CSNK1A1L: variants seen among roughly 807,000 people sequenced by gnomAD.
CSNK1A1L encodes the protein casein kinase I isoform alpha-like.
CSNK1A1L carries 20 observed loss-of-function variants against 24.6 expected under a neutral mutation model. The ratio of observed to expected loss-of-function variants is 0.81; its 90% CI spans 0.57 to 1.18. CSNK1A1L has a LOEUF of 1.18. Among genes scored for constraint, CSNK1A1L ranks in the 50% most tolerant of loss-of-function variants. The pLI is 0.00. For missense variants in CSNK1A1L, 414 were observed against 419.0 expected (o/e 0.99, Z 0.10); for synonymous variants, 152 against 154.0 (o/e 0.99, Z 0.09).
Position 37,103,344 on chromosome 13 carries a change from T to G in CSNK1A1L, c.*899A>C, listed in dbSNP as rs2070758347. On this transcript the variant is annotated 3_prime_UTR_variant, in exon 1 of 1. Coordinates refer to ENST00000379800, the MANE Select transcript of CSNK1A1L (RefSeq NM_145203.6). ...ATCAAAAAATTGGGGAGATTTTTAT[T>G]TCCTAGTGAATCAGCAAGGCATTTT... The G allele has an allele frequency of 6.6e-6, 1 of 152,264 alleles. No individual in the cohort carries two copies. Among genetic ancestry groups the G allele is most frequent in the South Asian group, 2.1e-4 (1 of 4,830 alleles). 9.4% of individuals were successfully genotyped at this position (152,264 alleles called of 1,614,324 possible).
Position 37,103,836 on chromosome 13 carries a change from A to C in CSNK1A1L, c.*407T>G. On this transcript the variant is annotated 3_prime_UTR_variant, in exon 1 of 1. Transcript: ENST00000379800. ...AAAATGCTCAATCATAAGCATTTAC[A>C]ACCTTTGCAGCTGTGGCTGAATACT... The C allele has an allele frequency of 4.2e-6, 1 of 240,372 alleles. No homozygotes were observed. Among genetic ancestry groups the C allele is most frequent in the Non-Finnish European group, 8.2e-6 (1 of 121,940 alleles). The allele number at this position is 240,372 out of a possible 1,614,324, so 14.9% of individuals were successfully genotyped here.
rs1268006496 is a variant in CSNK1A1L at position 37,104,646 on chromosome 13, A to G, written c.611T>C (p.Met204Thr). 1 of 1,613,972 alleles carries G rather than the reference A, an allele frequency of 6.2e-7. No homozygotes were observed. Among genetic ancestry groups the G allele is most frequent in the Non-Finnish European group, 8.5e-7 (1 of 1,179,980 alleles). Residue 204 changes from methionine to threonine, a missense_variant, in exon 1 of 1, where the codon ATG (methionine) becomes ACG (threonine). Physicochemically the swap from Met to Thr is moderately conservative, Grantham distance 81. Coordinates refer to ENST00000379800, the MANE Select transcript of CSNK1A1L (RefSeq NM_145203.6). ...LGIEQSRRDD[M>T]ESLGYVFMYF... Reference sequence around the variant, plus strand: ...CATGAAAACGTAGCCTAAGGATTCCATGTCATCTCGGCGGCTCTGCTCAAT... The same window carrying G: ...CATGAAAACGTAGCCTAAGGATTCCGTGTCATCTCGGCGGCTCTGCTCAAT...
Position 37,105,412 on chromosome 13 carries a change from A to G in CSNK1A1L, c.-156T>C. The stretch of plus-strand genomic sequence containing the variant: ...TGTTACAGGGCGTGGAGTCAGCCTG[A>G]TCCCTGCAGCACACCAGGATTTCCG... On this transcript the variant is annotated 5_prime_UTR_variant, in exon 1 of 1. Coordinates refer to ENST00000379800, the MANE Select transcript of CSNK1A1L (RefSeq NM_145203.6). The G allele has an allele frequency of 4.1e-6, 3 of 729,330 alleles. No individual in the cohort carries two copies. The highest frequency in any genetic ancestry group is 6.8e-6 in the Non-Finnish European group (3 of 438,542). 45.2% of individuals were successfully genotyped at this position (729,330 alleles called of 1,614,324 possible). A position where few individuals can be genotyped will look rare whatever the true frequency, so the allele number is the denominator to read the frequency against.
chr13:37,105,299 C>CT lies in CSNK1A1L; in HGVS notation c.-44dup. 1 of 1,577,700 alleles carries CT rather than the reference C, an allele frequency of 6.3e-7. No homozygotes were observed. ...GAGGCTGGGCTCAGCCCTGACCCCT[C>CT]TAGGGGAGGATGGAGGCCTCCGGGG... On this transcript the variant is annotated 5_prime_UTR_variant, in exon 1 of 1. Transcript: ENST00000379800.
rs781072113 is a variant in CSNK1A1L, at chr13:37,104,456, G to A, written c.801C>T (p.Arg267=). 5.6e-6 allele frequency: 9 copies of A among 1,614,062 alleles called. No individual in the cohort carries two copies. The highest frequency in any genetic ancestry group is 1.3e-5 in the African/African-American group (1 of 74,916). ...AMYLNYCRGL[R]FEEVPDYMYL... is the part of the protein sequence containing the mutation. ...ACATGTAATCTGGGACTTCCTCAAA[G>A]CGCAGCCCACGACAGTAGTTCAAGT... Residue 267 remains arginine, a synonymous_variant, in exon 1 of 1, where the codon CGC becomes CGT. Coordinates refer to ENST00000379800, the MANE Select transcript of CSNK1A1L (RefSeq NM_145203.6).
rs1339560989 is a variant in CSNK1A1L at position 37,104,629 on chromosome 13, C to G, written c.628G>C (p.Val210Leu). The G allele has an allele frequency of 6.2e-7, 1 of 1,614,122 alleles. No homozygotes were observed. The highest frequency in any genetic ancestry group is 2.2e-5 in the East Asian group (1 of 44,880). The stretch of plus-strand genomic sequence containing the variant: ...CTGGTTCTATTAAAATACATGAAAA[C>G]GTAGCCTAAGGATTCCATGTCATCT... Reference protein sequence around the residue: ...RRDDMESLGYVFMYFNRTSLP... With the variant: ...RRDDMESLGYLFMYFNRTSLP... The change falls in exon 1 of 1, where the codon GTT (valine) becomes CTT (leucine). Residue 210 changes from valine to leucine, a missense_variant. Physicochemically the swap from Val to Leu is conservative, Grantham distance 32. Transcript: ENST00000379800.
chr13:37,104,087 CAG>C lies in CSNK1A1L; in HGVS notation c.*154_*155del. 1.1e-6 allele frequency: 1 copy of C among 892,726 alleles called. No homozygotes were observed. The highest frequency in any genetic ancestry group is 1.7e-6 in the Non-Finnish European group (1 of 587,204). 55.3% of individuals were successfully genotyped at this position (892,726 alleles called of 1,614,324 possible). A position where few individuals can be genotyped will look rare whatever the true frequency, so the allele number is the denominator to read the frequency against. On this transcript the variant is annotated 3_prime_UTR_variant, in exon 1 of 1. Transcript: ENST00000379800. ...GGGATACAGCATCACCAACGCTCCC[CAG>C]AGTCAGTTTATATTGAAATAAAGTT... is the stretch of plus-strand genomic sequence containing the variant.
Position 37,104,663 on chromosome 13 carries a change from C to G in CSNK1A1L, c.594G>C (p.Gln198His). Residue 198 changes from glutamine (Q) to histidine (H), a missense_variant, in exon 1 of 1, where the codon CAG becomes CAC. Physicochemically the swap from Gln to His is conservative, Grantham distance 24. Coordinates refer to ENST00000379800, the MANE Select transcript of CSNK1A1L (RefSeq NM_145203.6). ...AGGATTCCATGTCATCTCGGCGGCT[C>G]TGCTCAATACCAAGATGTGCATTGA... Reference protein sequence around the residue: ...ASINAHLGIEQSRRDDMESLG... With the variant: ...ASINAHLGIEHSRRDDMESLG... 1 of 1,614,162 alleles carries G rather than the reference C, an allele frequency of 6.2e-7. No homozygotes were observed. Among genetic ancestry groups the G allele is most frequent in the African/African-American group, 1.3e-5 (1 of 75,026 alleles).
Position 37,104,275 on chromosome 13 carries a change from C to G in CSNK1A1L, c.982G>C (p.Glu328Gln), listed in dbSNP as rs767653119. ...TCTTTCACATTATTCTTGTTTTTTT[C>G]AGTTTGCTTGCCTGTCTGGGTTTGG... ...QAQTQTGKQT[E>Q]KNKNNVKDN Residue 328 changes from glutamate to glutamine, a missense_variant, in exon 1 of 1, where the codon GAA becomes CAA. Physicochemically the swap from Glu to Gln is conservative, Grantham distance 29. Transcript: ENST00000379800. The G allele has an allele frequency of 1.9e-6, 3 of 1,613,928 alleles. No individual in the cohort carries two copies. Among genetic ancestry groups the G allele is most frequent in the Non-Finnish European group, 2.5e-6 (3 of 1,179,966 alleles).
In CSNK1A1L at chr13:37,103,383, A is replaced by T. The variant is rs963040603; in HGVS notation, c.*860T>A. On this transcript the variant is annotated 3_prime_UTR_variant, in exon 1 of 1. Transcript: ENST00000379800. ...GCAAGGCATTTTTTGGTTGTTGTTT[A>T]AAAAAGTATTATTTCCTTATAGAAA... The T allele has an allele frequency of 6.6e-6, 1 of 152,230 alleles. No homozygotes were observed. Among genetic ancestry groups the T allele is most frequent in the African/African-American group, 2.4e-5 (1 of 41,430 alleles). 9.4% of individuals were successfully genotyped at this position (152,230 alleles called of 1,614,324 possible). A position where few individuals can be genotyped will look rare whatever the true frequency, so the allele number is the denominator to read the frequency against.
chr13:37,104,313 T>C lies in CSNK1A1L; in HGVS notation c.944A>G (p.Gln315Arg), dbSNP rs920132400. 1.2e-6 allele frequency: 2 copies of C among 1,614,248 alleles called. No individual in the cohort carries two copies. The highest frequency in any genetic ancestry group is 2.2e-5 in the East Asian group (1 of 44,892). ...TGTCTGGGTTTGGGCCTGCTGACCC[T>C]GCCCACTGGAAGAGGCTGCCTGCTG... ...AAQQAASSSG[Q>R]GQQAQTQTGK... The change falls in exon 1 of 1, where the codon CAG becomes CGG. Residue 315 changes from glutamine to arginine, a missense_variant. Physicochemically the swap from Gln to Arg is conservative, Grantham distance 43 (BLOSUM62 1). Coordinates refer to ENST00000379800, the MANE Select transcript of CSNK1A1L (RefSeq NM_145203.6).
rs762010655 is a variant in CSNK1A1L at position 37,104,383 on chromosome 13, A to G, written c.874T>C (p.Tyr292His). ...ATCGTCCAATCAAATGTGTAGTCAT[A>G]TTGGTGGTTCAGGGTCCTGAAAAGA... is the stretch of plus-strand genomic sequence containing the variant. ...RILFRTLNHQ[Y>H]DYTFDWTMLK... is the part of the protein sequence containing the mutation. Residue 292 changes from tyrosine to histidine, a missense_variant, in exon 1 of 1, where the codon TAT becomes CAT. Physicochemically the swap from Tyr to His is moderately conservative, Grantham distance 83. Coordinates refer to ENST00000379800, the MANE Select transcript of CSNK1A1L (RefSeq NM_145203.6). The G allele has an allele frequency of 2.5e-6, 4 of 1,614,038 alleles. No homozygotes were observed. In the East Asian group the frequency reaches 6.7e-5, roughly 27 times the overall value.
chr13:37,104,434 T>G lies in CSNK1A1L; in HGVS notation c.823A>C (p.Met275Leu). Residue 275 changes from methionine (M) to leucine (L), a missense_variant, in exon 1 of 1, where the codon ATG (methionine) becomes CTG (leucine). By Grantham distance (15) the Met-to-Leu change is conservative. Transcript: ENST00000379800. ...ATGCGGAATAGCTGCCTCAGATACA[T>G]GTAATCTGGGACTTCCTCAAAGCGC... is the stretch of plus-strand genomic sequence containing the variant. ...GLRFEEVPDY[M>L]YLRQLFRILF... The G allele has an allele frequency of 6.2e-7, 1 of 1,614,220 alleles. No homozygotes were observed. Among genetic ancestry groups the G allele is most frequent in the Non-Finnish European group, 8.5e-7 (1 of 1,180,044 alleles).
rs550387124 is a variant in CSNK1A1L, at chr13:37,103,602, G to C, written c.*641C>G. 2 of 153,354 alleles carry C rather than the reference G, an allele frequency of 1.3e-5. No individual in the cohort carries two copies. Among genetic ancestry groups the C allele is most frequent in the Admixed American group, 1.3e-4 (2 of 15,466 alleles). 9.5% of individuals were successfully genotyped at this position (153,354 alleles called of 1,614,324 possible). A position where few individuals can be genotyped will look rare whatever the true frequency, so the allele number is the denominator to read the frequency against. On this transcript the variant is annotated 3_prime_UTR_variant, in exon 1 of 1. Transcript: ENST00000379800. ...GTTGTTTTTAAAATACCGAGAACAT[G>C]ATATAGTTAATGTGGAATTCTAAAG...
chr13:37,104,112 G>A lies in CSNK1A1L; in HGVS notation c.*131C>T. The A allele has an allele frequency of 8.2e-7, 1 of 1,226,378 alleles. No individual in the cohort carries two copies. The highest frequency in any genetic ancestry group is 1.1e-6 in the Non-Finnish European group (1 of 871,496). The allele number at this position is 1,226,378 out of a possible 1,614,324, so 76.0% of individuals were successfully genotyped here. On this transcript the variant is annotated 3_prime_UTR_variant, in exon 1 of 1. Coordinates refer to ENST00000379800, the MANE Select transcript of CSNK1A1L (RefSeq NM_145203.6). Reference sequence around the variant, plus strand: ...CAGAGTCAGTTTATATTGAAATAAAGTTTTTTACACCAACTAAATGGTTGT... The same window carrying A: ...CAGAGTCAGTTTATATTGAAATAAAATTTTTTACACCAACTAAATGGTTGT...
chr13:37,104,634 C>G lies in CSNK1A1L; in HGVS notation c.623G>C (p.Gly208Ala), dbSNP rs1340039792. ...TCTATTAAAATACATGAAAACGTAG[C>G]CTAAGGATTCCATGTCATCTCGGCG... ...QSRRDDMESL[G>A]YVFMYFNRTS... The change falls in exon 1 of 1, where the codon GGC (glycine) becomes GCC (alanine). Residue 208 changes from glycine (G) to alanine (A), a missense_variant. Coordinates refer to ENST00000379800, the MANE Select transcript of CSNK1A1L (RefSeq NM_145203.6). 6 of 1,613,978 alleles carry G rather than the reference C, an allele frequency of 3.7e-6. No individual in the cohort carries two copies. Among genetic ancestry groups the G allele is most frequent in the Non-Finnish European group, 5.1e-6 (6 of 1,180,030 alleles).
rs769556012 is a variant in CSNK1A1L, at chr13:37,104,382, T to C, written c.875A>G (p.Tyr292Cys). The C allele has an allele frequency of 6.2e-7, 1 of 1,614,174 alleles. No homozygotes were observed. Among genetic ancestry groups the C allele is most frequent in the South Asian group, 1.1e-5 (1 of 91,084 alleles). The change falls in exon 1 of 1, where the codon TAT becomes TGT. Residue 292 changes from tyrosine to cysteine, a missense_variant. Coordinates refer to ENST00000379800, the MANE Select transcript of CSNK1A1L (RefSeq NM_145203.6). ...CATCGTCCAATCAAATGTGTAGTCA[T>C]ATTGGTGGTTCAGGGTCCTGAAAAG... The part of the protein sequence containing the change: ...RILFRTLNHQ[Y>C]DYTFDWTMLK...
Position 37,104,924 on chromosome 13 carries a change from T to C in CSNK1A1L, c.333A>G (p.Lys111=), listed in dbSNP as rs746495410. The change falls in exon 1 of 1, where the codon AAA becomes AAG. Residue 111 remains lysine, a synonymous_variant. Transcript: ENST00000379800. ...TCTGGTCGGCTAACATAAGTACAGT[T>C]TTCATGGTGAACCTTCTTGAACAGA... ...FNFCSRRFTM[K]TVLMLADQMI... The C allele has an allele frequency of 6.2e-7, 1 of 1,614,100 alleles. No individual in the cohort carries two copies. The highest frequency in any genetic ancestry group is 2.2e-5 in the East Asian group (1 of 44,862).
Position 37,105,486 on chromosome 13 carries a change from A to T in CSNK1A1L, c.-230T>A. 4.3e-6 allele frequency: 2 copies of T among 462,450 alleles called. No homozygotes were observed. Among genetic ancestry groups the T allele is most frequent in the South Asian group, 5.2e-5 (1 of 19,354 alleles). 28.6% of individuals were successfully genotyped at this position (462,450 alleles called of 1,614,324 possible). ...TCTCAAGGTTCCAGGCTGGGCCACCACCTCTTTCTCGGTGGCGGTCGCTGC... is the reference window on the plus strand; with the variant it reads ...TCTCAAGGTTCCAGGCTGGGCCACCTCCTCTTTCTCGGTGGCGGTCGCTGC... On this transcript the variant is annotated 5_prime_UTR_variant, in exon 1 of 1. Coordinates refer to ENST00000379800, the MANE Select transcript of CSNK1A1L (RefSeq NM_145203.6).
Sources: allele counts gnomAD v4.1 joint callset, GRCh38; gene constraint gnomAD v4.1.1; transcripts MANE v1.5; gene names NCBI Gene and HGNC (gene_info 2026-07-23, HGNC 2026-07-21).